The following NR3C2 variants were observed in gnomAD, a reference collection of about 807,000 sequenced individuals.
NR3C2 encodes nuclear receptor subfamily 3 group C member 2.
In NR3C2, 15 loss-of-function variants were observed where a neutral mutation model predicts 86.4. That is an observed-to-expected ratio of 0.17 (90% CI 0.12 to 0.27). NR3C2 has a LOEUF of 0.27. Ranked by LOEUF, NR3C2 falls within the 10% of genes least tolerant of loss-of-function variation. The pLI, the probability that NR3C2 is intolerant of heterozygous loss-of-function variation, is 1.00. For missense variants in NR3C2, 960 were observed against 1,195.6 expected (o/e 0.80, Z 2.91); for synonymous variants, 458 against 450.5 (o/e 1.02, Z -0.21).
Position 148,221,114 on chromosome 4 carries a change from C to T in NR3C2, c.1898-26252G>A, listed in dbSNP as rs76553664. 3.2e-3 allele frequency among the ~76,000 whole-genome samples: 487 copies of T among 152,300 alleles called. 3 individuals carry two copies. The highest frequency in any genetic ancestry group is 5.2e-3 in the Admixed American group (80 of 15,296). Reference sequence around the variant, plus strand: ...TACATTATATGGGGCTCAAACAGACCGCCTCTGCGATTATGTTTCCTTATA... The same window carrying T: ...TACATTATATGGGGCTCAAACAGACTGCCTCTGCGATTATGTTTCCTTATA... On this transcript the variant is annotated intron_variant, in intron 3 of 8. Coordinates refer to ENST00000358102, the MANE Select transcript of NR3C2 (RefSeq NM_000901.5).
chr4:148,254,918 A>G (rs1249353652), intron 3 of NR3C2, among the ~76,000 whole-genome samples: 1 of 152,158 alleles, frequency 6.6e-6, no homozygotes, highest in Non-Finnish European at 1.5e-5. Context: ...TATACATTAA[A>G]TTATTCCCCC....
intron 2 of NR3C2, among the ~76,000 whole-genome samples, chr4:148,407,049 G>A (rs1372366142): frequency 1.3e-5 from 2 of 152,210 alleles, no homozygotes; most frequent in African/African-American, 2.4e-5. Context: ...TGCGCTAAAT[G>A]TATCTGTGGG....
chr4:148,406,278 A>C (rs1401102670), intron 2 of NR3C2, among the ~76,000 whole-genome samples: 1 of 152,208 alleles, frequency 6.6e-6, no homozygotes, highest in Non-Finnish European at 1.5e-5. Context: ...AAATAGCAGT[A>C]CTAATAATAA....
chr4:148,357,340 C>G (rs1434152194), intron 2 of NR3C2, among the ~76,000 whole-genome samples: 1 of 152,104 alleles, frequency 6.6e-6, no homozygotes, highest in Non-Finnish European at 1.5e-5. Flanking sequence ...ATTTATTCTA[C>G]TGAAAAGAGT....
At chr4:148,125,946 TGA>T (rs1055413103) in intron 6 of NR3C2, among the ~76,000 whole-genome samples, 28 of 152,360 alleles carry the variant, frequency 1.8e-4, no homozygotes, top group African/African-American at 6.7e-4. Context: ...ACAAAATTTT[TGA>T]GAGAGAAAGA....
At chr4:148,359,635 T>C (rs971263870) in intron 2 of NR3C2, among the ~76,000 whole-genome samples, 3 of 152,214 alleles carry the variant, frequency 2.0e-5, no homozygotes, top group African/African-American at 7.2e-5. Context: ...AAAGGGGCTA[T>C]GGTGGTACAG....
upstream of NR3C2, chr4:148,445,056 A>AC (rs1750515618): frequency 3.1e-6 from 3 of 956,108 alleles, no homozygotes; most frequent in Non-Finnish European, 3.7e-6. Context: ...GCGTCCGGCC[A>AC]CCCGCGGGTG....
intron 2 of NR3C2, among the ~76,000 whole-genome samples, chr4:148,305,250 T>A (rs1742555516): frequency 1.3e-5 from 2 of 152,146 alleles, no homozygotes; most frequent in Admixed American, 1.3e-4. Flanking sequence ...TTGTTCTAGA[T>A]CAAGTATCTT....
chr4:148,387,215 A>G (rs1175860947), intron 2 of NR3C2, among the ~76,000 whole-genome samples: 4 of 152,142 alleles, frequency 2.6e-5, no homozygotes, highest in Admixed American at 6.5e-5. Context: ...ACTGACTTCT[A>G]CCTTCAAGGA....
intron 2 of NR3C2, among the ~76,000 whole-genome samples, chr4:148,304,203 G>A (rs78970846): frequency 0.2 from 31,088 of 151,862 alleles, 3,343 homozygotes; most frequent in Non-Finnish European, 0.22. Flanking sequence ...CACTCCCCTC[G>A]GATGCATCCT....
chr4:148,125,699 C>A (rs902950865), intron 6 of NR3C2, among the ~76,000 whole-genome samples: 6 of 151,964 alleles, frequency 3.9e-5, no homozygotes, highest in African/African-American at 1.5e-4. Flanking sequence ...CCATGTCTAA[C>A]TTTTGTAAAT....
Position 148,436,319 on chromosome 4 carries a change from A to C in NR3C2, c.542T>G (p.Val181Gly). ...SVNGGVMRAV[V>G]KSPIMCHEKS... ...CTCATGACACATGATAGGGCTTTTA[A>C]CAACGGCGCGCATGACGCCACCATT... The change falls in exon 2 of 9, where the codon GTT becomes GGT. Residue 181 changes from valine (V) to glycine (G), a missense_variant. Coordinates refer to ENST00000358102, the MANE Select transcript of NR3C2 (RefSeq NM_000901.5). The C allele has an allele frequency of 6.2e-7, 1 of 1,614,232 alleles. No homozygotes were observed. The highest frequency in any genetic ancestry group is 8.5e-7 in the Non-Finnish European group (1 of 1,180,042).
chr4:148,303,458 C>G (rs1742444811), intron 2 of NR3C2, among the ~76,000 whole-genome samples: 1 of 152,114 alleles, frequency 6.6e-6, no homozygotes, highest in African/African-American at 2.4e-5. Context: ...TAACCAAAGC[C>G]AAGCCCCATG....
At chr4:148,326,039 T>C (rs945778652) in intron 2 of NR3C2, among the ~76,000 whole-genome samples, 1 of 152,172 alleles carries the variant, frequency 6.6e-6, no homozygotes. Flanking sequence ...AACATGAAAT[T>C]CAACCAGCAA....
intron 4 of NR3C2, among the ~76,000 whole-genome samples, chr4:148,189,305 T>A (rs1419906609): frequency 6.6e-6 from 1 of 152,212 alleles, no homozygotes; most frequent in East Asian, 1.9e-4. Context: ...CATGTGATTT[T>A]TTTGTTTTTA....
intron 6 of NR3C2, among the ~76,000 whole-genome samples, chr4:148,137,316 A>G (rs1733392388): frequency 6.6e-6 from 1 of 152,160 alleles, no homozygotes; most frequent in Admixed American, 6.5e-5. Flanking sequence ...CCCATCTCTC[A>G]GTGTGATGTG....
chr4:148,164,933 C>CT (rs1734816157), intron 4 of NR3C2, among the ~76,000 whole-genome samples: 1 of 152,112 alleles, frequency 6.6e-6, no homozygotes, highest in Admixed American at 6.5e-5. Context: ...ACGCTGGAAC[C>CT]TACAGTGGTA....
intron 2 of NR3C2, among the ~76,000 whole-genome samples, chr4:148,316,444 G>A (rs1468234917): frequency 6.6e-6 from 1 of 152,030 alleles, no homozygotes; most frequent in Non-Finnish European, 1.5e-5. Context: ...CCAGGTAAAG[G>A]TAGCTTTGAT....
chr4:148,387,221 A>C (rs1747309176), intron 2 of NR3C2, among the ~76,000 whole-genome samples: 1 of 152,144 alleles, frequency 6.6e-6, no homozygotes, highest in South Asian at 2.1e-4. Flanking sequence ...TTCTACCTTC[A>C]AGGATCCTGG....
Sources: gnomAD v4.1 joint callset for allele counts (sites outside exome capture counted in the v4.1 genomes callset) on GRCh38, gnomAD v4.1.1 for gene constraint, MANE v1.5 for transcripts, NCBI Gene and HGNC (gene_info 2026-07-23, HGNC 2026-07-21) for gene names.